Variants in PUM1 observed in about 807,000 individuals in gnomAD.
PUM1 encodes the protein pumilio RNA binding family member 1.
A neutral mutation model predicts 131.8 loss-of-function variants in PUM1; 13 were observed. The observed-to-expected ratio is 0.10, with a 90% CI of 0.06 to 0.16. The LOEUF is 0.16. PUM1 is among the 10% of genes least tolerant of loss of function. The pLI, the probability that PUM1 is intolerant of heterozygous loss-of-function variation, is 1.00. For synonymous variants in PUM1, 509 were observed against 556.5 expected, an observed-to-expected ratio of 0.91 and a Z score of 1.20; for missense variants, 961 against 1,512.4, an observed-to-expected ratio of 0.64 and a Z score of 6.05.
chr1:31,016,741 G>C (rs967443504), intron 3 of PUM1, among the ~76,000 whole-genome samples: 1 of 152,036 alleles, frequency 6.6e-6, no homozygotes, highest in Non-Finnish European at 1.5e-5. Context: ...TGTTTCAAAT[G>C]GTTACTACTG....
chr1:31,038,769 T>C lies in PUM1; in HGVS notation c.364-9905A>G, dbSNP rs377462425. On this transcript the variant is annotated intron_variant, in intron 2 of 21. Coordinates refer to ENST00000426105, the MANE Select transcript of PUM1 (RefSeq NM_001020658.2). Reference sequence around the variant, plus strand: ...TGGGTTTGATTAATATTCATGCCCTTTGATCTGGTAATTCCACTTCTAGGA... The same window carrying C: ...TGGGTTTGATTAATATTCATGCCCTCTGATCTGGTAATTCCACTTCTAGGA... Among the ~76,000 whole-genome samples the C allele has an allele frequency of 4.0e-5, 6 of 151,834 alleles. No homozygotes were observed. The East Asian group carries it at 9.7e-4, about 24-fold the overall frequency.
intron 2 of PUM1, 37 bp from the exon 3 acceptor site, chr1:31,028,901 C>A: frequency 6.5e-7 from 1 of 1,541,698 alleles, no homozygotes; most frequent in South Asian, 1.1e-5. Flanking sequence ...ATCTTCAAGT[C>A]AGCATCTTGA....
chr1:31,009,801 A>AGAAAC (rs1375455759), intron 3 of PUM1, among the ~76,000 whole-genome samples: 1 of 150,392 alleles, frequency 6.6e-6, no homozygotes, highest in Non-Finnish European at 1.5e-5. Context: ...AAACAGAAAC[A>AGAAAC]AAAAAAAACA....
At chr1:31,020,611 T>C (rs1276154156) in intron 3 of PUM1, among the ~76,000 whole-genome samples, 2 of 152,140 alleles carry the variant, frequency 1.3e-5, no homozygotes, top group African/African-American at 4.8e-5. Flanking sequence ...ACAGCCCGAC[T>C]GAGATAACAA....
chr1:31,047,706 G>A (rs1401046445), intron 2 of PUM1, among the ~76,000 whole-genome samples: 1 of 152,248 alleles, frequency 6.6e-6, no homozygotes, highest in Non-Finnish European at 1.5e-5. Flanking sequence ...ACTCTGGGAG[G>A]TGGAGGTGGG....
At chr1:30,958,811 A>G (rs185159683) in intron 14 of PUM1, among the ~76,000 whole-genome samples, 148 of 152,346 alleles carry the variant, frequency 9.7e-4, no homozygotes, top group Non-Finnish European at 8.1e-4. Flanking sequence ...TTTATTAACT[A>G]TGATTAATAA....
intron 10 of PUM1, among the ~76,000 whole-genome samples, chr1:30,973,587 AATGTC>A (rs1026499014): frequency 6.6e-5 from 10 of 152,236 alleles, no homozygotes; most frequent in Non-Finnish European, 1.5e-4. Flanking sequence ...ACCTAGTAAA[AATGTC>A]ATTTAAAAGA....
intron 2 of PUM1, among the ~76,000 whole-genome samples, chr1:31,033,037 T>TA (rs887538168): frequency 5.4e-4 from 77 of 143,058 alleles, no homozygotes; most frequent in Middle Eastern, 3.5e-3. Context: ...ATCCTGTCTC[T>TA]AAAAAAAAAT....
intron 6 of PUM1, among the ~76,000 whole-genome samples, chr1:30,994,586 C>T (rs1430605222): frequency 6.6e-6 from 1 of 152,116 alleles, no homozygotes; most frequent in Non-Finnish European, 1.5e-5. Context: ...ATACCTGGTC[C>T]ACCTACCTCA....
intron 16 of PUM1, among the ~76,000 whole-genome samples, chr1:30,951,863 A>T (rs188039450): frequency 9.8e-5 from 15 of 152,318 alleles, no homozygotes; most frequent in Non-Finnish European, 2.1e-4. Context: ...ACCTTAGAAA[A>T]ATTTGTTTTT....
intron 16 of PUM1, among the ~76,000 whole-genome samples, chr1:30,951,937 A>T (rs1639952254): frequency 6.6e-6 from 1 of 152,232 alleles, no homozygotes; most frequent in Non-Finnish European, 1.5e-5. Context: ...CTTAAGTGAC[A>T]CGTTTTGTGA....
rs72659205 is a variant in PUM1 at position 31,016,044 on chromosome 1, A to T, written c.433-8942T>A. ...AAGAGAGCTCATGTCCTAAATTTCA[A>T]ATATTTTTAAGCAAGCTGATACAGG... is the stretch of plus-strand genomic sequence containing the variant. On this transcript the variant is annotated intron_variant, in intron 3 of 21. Transcript: ENST00000426105. 2.8e-3 allele frequency among the ~76,000 whole-genome samples: 421 copies of T among 152,310 alleles called. 1 individual carries two copies. Among genetic ancestry groups the T allele is most frequent in the Non-Finnish European group, 3.8e-3 (261 of 68,034 alleles).
chr1:31,000,495 T>G (rs558356744), intron 5 of PUM1, among the ~76,000 whole-genome samples: 1 of 152,160 alleles, frequency 6.6e-6, no homozygotes, highest in East Asian at 1.9e-4. Flanking sequence ...GGTAGAACTA[T>G]ATATTGTTGA....
intron 2 of PUM1, among the ~76,000 whole-genome samples, chr1:31,029,374 T>C (rs1018050365): frequency 2.0e-5 from 3 of 152,328 alleles, no homozygotes; most frequent in South Asian, 2.1e-4. Context: ...TATCTCTCCA[T>C]ATTGGGAGAT....
chr1:30,944,658 T>G (rs1639595192), intron 18 of PUM1, among the ~76,000 whole-genome samples: 1 of 152,242 alleles, frequency 6.6e-6, no homozygotes, highest in South Asian at 2.1e-4. Flanking sequence ...TAAAGATATA[T>G]TCACACATGA....
At chr1:30,978,046 A>G (rs1048334382) in intron 9 of PUM1, among the ~76,000 whole-genome samples, 2 of 152,142 alleles carry the variant, frequency 1.3e-5, no homozygotes, top group Non-Finnish European at 2.9e-5. Flanking sequence ...GGAGTTTGAG[A>G]CCAGCCTGGC....
chr1:31,038,982 A>ATTTTT (rs1172043445), intron 2 of PUM1, among the ~76,000 whole-genome samples: 1 of 27,976 alleles, frequency 3.6e-5, no homozygotes, highest in Non-Finnish European at 5.7e-5. Context: ...ATATATATAT[A>ATTTTT]TATTTTTTTT....
chr1:30,995,100 C>T lies in PUM1; in HGVS notation c.841G>A (p.Gly281Ser), dbSNP rs1641934231. The change falls in exon 6 of 22, where the codon GGT becomes AGT. Residue 281 changes from glycine (G) to serine (S), a missense_variant. This residue lies in a region of PUM1 where 654 missense variants were observed against 923.9 expected (regional missense o/e 0.71). Transcript: ENST00000426105. ...EEGDVMDKTN[G>S]LPVQNGIDAD... ...TCAATCCCATTCTGCACTGGTAAAC[C>T]ATTGGTCTTGTCCATCACATCACCC... The T allele has an allele frequency of 6.2e-7, 1 of 1,614,018 alleles. No individual in the cohort carries two copies. The highest frequency in any genetic ancestry group is 1.7e-5 in the Admixed American group (1 of 60,000).
At chr1:31,019,662 T>C (rs1642949796) in intron 3 of PUM1, among the ~76,000 whole-genome samples, 1 of 152,246 alleles carries the variant, frequency 6.6e-6, no homozygotes, top group African/African-American at 2.4e-5. Flanking sequence ...CTTCTGAATC[T>C]GAAAGTAAAG....
Sources: allele counts gnomAD v4.1 joint callset (sites outside exome capture counted in the v4.1 genomes callset), GRCh38; gene constraint gnomAD v4.1.1; regional missense constraint gnomAD v4.1.1; transcripts MANE v1.5; gene names NCBI Gene and HGNC (gene_info 2026-07-23, HGNC 2026-07-21).